CPXM2: variants seen among roughly 807,000 people sequenced by gnomAD.
CPXM2 encodes carboxypeptidase X, M14 family member 2, also known as inactive carboxypeptidase-like protein X2.
In CPXM2, 66 loss-of-function variants were observed where a neutral mutation model predicts 86.1. The observed-to-expected ratio is 0.77, with a 90% CI of 0.63 to 0.94. The LOEUF is 0.94. CPXM2 is among the 40% of genes least tolerant of loss of function. The pLI is 0.00. For missense variants in CPXM2, 948 were observed against 1,026.3 expected (o/e 0.92, Z 1.04); for synonymous variants, 388 against 400.2 (o/e 0.97, Z 0.36).
At chr10:123,861,873 G>A (rs1398702639) in intron 3 of CPXM2, among the ~76,000 whole-genome samples, 3 of 152,242 alleles carry the variant, frequency 2.0e-5, no homozygotes, top group Non-Finnish European at 2.9e-5. Flanking sequence ...AGCAGCAATA[G>A]GAAACTCATA....
At chr10:123,847,004 A>G (rs1393185061) in intron 3 of CPXM2, among the ~76,000 whole-genome samples, 1 of 152,228 alleles carries the variant, frequency 6.6e-6, no homozygotes, top group African/African-American at 2.4e-5. Context: ...ACTCAAAATT[A>G]AAGTATTTCT....
At chr10:123,785,883 T>A (rs759470771) in intron 6 of CPXM2, among the ~76,000 whole-genome samples, 5 of 152,178 alleles carry the variant, frequency 3.3e-5, no homozygotes, top group Non-Finnish European at 7.3e-5. Context: ...TCTGCCCGCC[T>A]CAGCCTCCCA....
intron 6 of CPXM2, among the ~76,000 whole-genome samples, chr10:123,791,738 C>T (rs570593130): frequency 6.6e-6 from 1 of 152,342 alleles, no homozygotes; most frequent in South Asian, 2.1e-4. Context: ...AGGGGGACCT[C>T]CTCTTGATTG....
intron 4 of CPXM2, among the ~76,000 whole-genome samples, chr10:123,813,695 A>G (rs1847744209): frequency 6.6e-6 from 1 of 152,244 alleles, no homozygotes; most frequent in South Asian, 2.1e-4. Flanking sequence ...TCTAGATCTT[A>G]GTGAATTTTT....
At position 123,762,000 on chromosome 10, in the gene CPXM2, C is replaced by T. The variant is rs768303221; in HGVS notation, c.1649G>A (p.Trp550Ter). The change falls in exon 11 of 14, where the codon TGG becomes TAG. Residue 550 changes from tryptophan (W) to a stop codon, truncating the protein, a stop_gained. Coordinates refer to ENST00000241305, the MANE Select transcript of CPXM2 (RefSeq NM_198148.3). LOFTEE classifies it high-confidence loss of function. ...TGTGGAGGCATAGGAGTAGGCCAGC[C>T]AGCGGAACACGTGGTCGTCGGGGGT... ...TPTPDDHVFR[W>*]LAYSYASTHR... is the part of the protein sequence containing the mutation. 15 of 1,613,538 alleles carry T rather than the reference C, an allele frequency of 9.3e-6. No individual in the cohort carries two copies. The highest frequency in any genetic ancestry group is 1.6e-4 in the Middle Eastern group (1 of 6,078).
chr10:123,904,639 G>T (rs561794188), intron 2 of CPXM2, among the ~76,000 whole-genome samples: 1 of 152,288 alleles, frequency 6.6e-6, no homozygotes, highest in East Asian at 1.9e-4. Context: ...GTTCAGTAAA[G>T]GTTGCCATAG....
At chr10:123,836,214 A>G (rs1051500513) in intron 4 of CPXM2, among the ~76,000 whole-genome samples, 1 of 152,010 alleles carries the variant, frequency 6.6e-6, no homozygotes, top group African/African-American at 2.4e-5. Context: ...CCTTGGCTCC[A>G]TCTCAGCCCC....
At chr10:123,820,032 T>C (rs558568466) in intron 4 of CPXM2, among the ~76,000 whole-genome samples, 1 of 152,300 alleles carries the variant, frequency 6.6e-6, no homozygotes, top group East Asian at 1.9e-4. Flanking sequence ...CCAGCCTACA[T>C]CTTTCTCCTG....
intron 2 of CPXM2, among the ~76,000 whole-genome samples, chr10:123,906,494 C>G (rs1945442453): frequency 6.6e-6 from 1 of 152,168 alleles, no homozygotes; most frequent in Non-Finnish European, 1.5e-5. Flanking sequence ...TGCTATAAAT[C>G]ATGTCAGCTT....
intron 10 of CPXM2, among the ~76,000 whole-genome samples, chr10:123,763,103 G>A (rs759945554): frequency 2.0e-4 from 31 of 152,146 alleles, no homozygotes; most frequent in Non-Finnish European, 3.1e-4. Context: ...GCAGTGGCGC[G>A]ATCTTGGCTC....
At chr10:123,747,114 A>T in intron 13 of CPXM2, 97 bp from the exon 14 acceptor site, 1 of 1,414,786 alleles carries the variant, frequency 7.1e-7, no homozygotes, top group Non-Finnish European at 9.6e-7. Flanking sequence ...CCAGAGAGAG[A>T]CTCTCAGGCT....
intron 9 of CPXM2, 75 bp from the exon 10 acceptor site, chr10:123,767,227 T>C: frequency 1.6e-6 from 2 of 1,218,378 alleles, no homozygotes; most frequent in South Asian, 2.5e-5. Flanking sequence ...AAGATGCATC[T>C]GTCTCCACTT....
At chr10:123,894,533 T>A (rs1357585332), upstream of CPXM2, among the ~76,000 whole-genome samples, 3 of 152,192 alleles carry the variant, frequency 2.0e-5, no homozygotes, top group African/African-American at 7.2e-5. Flanking sequence ...CTCTCTCTGG[T>A]GCTGCCCGTC....
At chr10:123,941,159 A>C (rs1178783785), upstream of CPXM2, among the ~76,000 whole-genome samples, 1 of 152,230 alleles carries the variant, frequency 6.6e-6, no homozygotes, top group Non-Finnish European at 1.5e-5. Flanking sequence ...TGACAGAGCG[A>C]GACTTCATCT....
Position 123,793,487 on chromosome 10 carries a change from A to C in CPXM2, c.889+4489T>G, listed in dbSNP as rs909877938. On this transcript the variant is annotated intron_variant, in intron 6 of 13. Transcript: ENST00000241305. ...CAAAAAAAAAAAAAAAAAAAAAAAA[A>C]AAAGTGGAATTTGCACCCAGGTCTG... Among the ~76,000 whole-genome samples, 7 of 147,076 alleles carry C rather than the reference A, an allele frequency of 4.8e-5. No homozygotes were observed. In the Admixed American group the frequency reaches 4.8e-4, roughly 10 times the overall value.
chr10:123,868,637 C>T (rs911774310), intron 2 of CPXM2, among the ~76,000 whole-genome samples: 9 of 152,060 alleles, frequency 5.9e-5, no homozygotes, highest in Non-Finnish European at 8.8e-5. Context: ...TCAATAATCA[C>T]GGTAATTGTC....
At chr10:123,803,327 G>C (rs1490562621) in intron 4 of CPXM2, among the ~76,000 whole-genome samples, 6 of 151,656 alleles carry the variant, frequency 4.0e-5, no homozygotes, top group Non-Finnish European at 8.8e-5. Flanking sequence ...GCCCAGGCTT[G>C]TCTCAAACTC....
chr10:123,766,753 T>C (rs1277854392), intron 10 of CPXM2, among the ~76,000 whole-genome samples: 1 of 152,216 alleles, frequency 6.6e-6, no homozygotes, highest in Non-Finnish European at 1.5e-5. Context: ...TCCATGTGCT[T>C]GTTAAGAAAT....
chr10:123,881,572 G>A (rs112495674), intron 1 of CPXM2, among the ~76,000 whole-genome samples: 1,842 of 152,300 alleles, frequency 0.012, 42 homozygotes, highest in African/African-American at 0.042. Flanking sequence ...TGCACACAGG[G>A]TTGTCCTGAC....
Sources: allele counts gnomAD v4.1 joint callset (sites outside exome capture counted in the v4.1 genomes callset), GRCh38; gene constraint gnomAD v4.1.1; transcripts MANE v1.5; gene names NCBI Gene and HGNC (gene_info 2026-07-23, HGNC 2026-07-21).